TSPAN9: variants seen among roughly 807,000 people sequenced by gnomAD.
TSPAN9 encodes the protein tetraspanin-9.
In TSPAN9, 16 loss-of-function variants were observed where a neutral mutation model predicts 31.0. The observed-to-expected ratio is 0.52, with a 90% confidence interval of 0.35 to 0.78. The LOEUF (loss-of-function observed/expected upper bound fraction) is 0.78. TSPAN9 is among the 30% of genes least tolerant of loss of function. The pLI, the probability that TSPAN9 is intolerant of heterozygous loss-of-function variation, is 0.01. For missense variants in TSPAN9, 272 were observed against 312.5 expected, an observed-to-expected ratio of 0.87 and a Z score of 0.98; for synonymous variants, 145 against 121.6, an observed-to-expected ratio of 1.19 and a Z score of -1.27.
intron 2 of TSPAN9, among the ~76,000 whole-genome samples, chr12:3,197,605 C>A (rs1163082929): frequency 6.6e-6 from 1 of 152,132 alleles, no homozygotes; most frequent in Non-Finnish European, 1.5e-5. Flanking sequence ...AGAGCTCTCA[C>A]CTCTAGGAGG....
intron 3 of TSPAN9, among the ~76,000 whole-genome samples, chr12:3,273,413 A>T (rs897957094): frequency 6.6e-6 from 1 of 152,068 alleles, no homozygotes; most frequent in African/African-American, 2.4e-5. Context: ...TCAGGCCTGG[A>T]CCACACCAGG....
At chr12:3,205,019 C>T (rs1369199624) in intron 3 of TSPAN9, among the ~76,000 whole-genome samples, 2 of 152,024 alleles carry the variant, frequency 1.3e-5, no homozygotes, top group Admixed American at 1.3e-4. Flanking sequence ...GGAAAAGGGA[C>T]CTCTGAATGC....
rs61523742 is a variant in TSPAN9 at position 3,232,271 on chromosome 12, G to GT, written c.63+31027dup. Among the ~76,000 whole-genome samples, 423 of 146,422 alleles carry GT rather than the reference G, an allele frequency of 2.9e-3. 4 individuals are homozygous for GT. The highest frequency in any genetic ancestry group is 6.3e-3 in the African/African-American group (252 of 40,056). ...TCTCTTGATCGCTGGCTTCTGTTATGTTTTTTTTTTTTCCTACAGTGAGAT... is the reference window on the plus strand; with the variant it reads ...TCTCTTGATCGCTGGCTTCTGTTATGTTTTTTTTTTTTTCCTACAGTGAGAT... On this transcript the variant is annotated intron_variant, in intron 3 of 8. Coordinates refer to ENST00000011898, the MANE Select transcript of TSPAN9 (RefSeq NM_006675.5).
intron 1 of TSPAN9, among the ~76,000 whole-genome samples, chr12:3,083,227 G>T (rs1255513602): frequency 6.6e-6 from 1 of 152,162 alleles, no homozygotes; most frequent in African/African-American, 2.4e-5. Context: ...TAGCGTACGC[G>T]ATGCAAACAC....
At chr12:3,137,897 C>T (rs2098332847) in intron 2 of TSPAN9, among the ~76,000 whole-genome samples, 2 of 152,182 alleles carry the variant, frequency 1.3e-5, no homozygotes, top group African/African-American at 4.8e-5. Context: ...TCCCAGGCCC[C>T]TTGAAGCTCA....
chr12:3,151,590 G>C (rs1363055687), intron 2 of TSPAN9: 1 of 152,190 alleles, frequency 6.6e-6, no homozygotes, highest in African/African-American at 2.4e-5. Flanking sequence ...CCCCCTCAGT[G>C]ATTAATGGCC....
intron 2 of TSPAN9, among the ~76,000 whole-genome samples, chr12:3,141,534 C>T (rs186946549): frequency 7.2e-5 from 11 of 152,210 alleles, no homozygotes; most frequent in African/African-American, 2.4e-4. Flanking sequence ...GGAGGCCGTG[C>T]GTGACCCCGT....
intron 2 of TSPAN9, among the ~76,000 whole-genome samples, chr12:3,176,225 C>T (rs936110093): frequency 3.3e-5 from 5 of 152,182 alleles, no homozygotes; most frequent in East Asian, 1.9e-4. Context: ...TCGAGCCTTA[C>T]GGAGCAGTGT....
At chr12:3,188,303 C>G (rs1302482911) in intron 2 of TSPAN9, among the ~76,000 whole-genome samples, 2 of 152,218 alleles carry the variant, frequency 1.3e-5, no homozygotes, top group Non-Finnish European at 2.9e-5. Context: ...TCCCCGGGTT[C>G]CACAGCACTG....
chr12:3,128,413 T>A (rs2098328292), intron 2 of TSPAN9, among the ~76,000 whole-genome samples: 2 of 152,004 alleles, frequency 1.3e-5, no homozygotes, highest in South Asian at 4.1e-4. Flanking sequence ...GATTTCAGAG[T>A]GTCTTCAAGG....
At chr12:3,282,981 C>T (rs1023462792) in intron 8 of TSPAN9, 64 bp from the exon 9 acceptor site, 65 of 1,559,360 alleles carry the variant, frequency 4.2e-5, no homozygotes, top group South Asian at 4.1e-4. Flanking sequence ...CCAAGCCTCT[C>T]GGGGCTGAGG....
At chr12:3,157,155 C>T (rs534887358) in intron 2 of TSPAN9, among the ~76,000 whole-genome samples, 9 of 151,004 alleles carry the variant, frequency 6.0e-5, no homozygotes, top group African/African-American at 9.8e-5. Flanking sequence ...GCTGGAGTGC[C>T]GTGGCGCGAT....
chr12:3,197,009 T>A (rs1208318800), intron 2 of TSPAN9, among the ~76,000 whole-genome samples: 1 of 152,162 alleles, frequency 6.6e-6, no homozygotes, highest in Non-Finnish European at 1.5e-5. Flanking sequence ...CATCTGAGAC[T>A]GGTAGGATCA....
At chr12:3,276,718 T>G (rs1234480174) in intron 3 of TSPAN9, among the ~76,000 whole-genome samples, 3 of 152,228 alleles carry the variant, frequency 2.0e-5, no homozygotes, top group Admixed American at 2.0e-4. Context: ...ATAAGGTCAG[T>G]GTCTCCTGTA....
At chr12:3,181,175 C>T (rs58272361) in intron 2 of TSPAN9, among the ~76,000 whole-genome samples, 5,778 of 152,148 alleles carry the variant, frequency 0.038, 362 homozygotes, top group African/African-American at 0.13. Flanking sequence ...TTTACTACTC[C>T]AGAGGGGAAG....
At chr12:3,266,296 A>G (rs1417691776) in intron 3 of TSPAN9, among the ~76,000 whole-genome samples, 2 of 152,142 alleles carry the variant, frequency 1.3e-5, no homozygotes, top group African/African-American at 2.4e-5. Context: ...GAACCTCGCT[A>G]TGCTTGTGTT....
intron 2 of TSPAN9, among the ~76,000 whole-genome samples, chr12:3,122,281 C>CCGAGATTGCGCCA (rs368874431): frequency 6.6e-6 from 1 of 150,688 alleles, no homozygotes; most frequent in Non-Finnish European, 1.5e-5. Context: ...TTGCAGTGAG[C>CCGAGATTGCGCCA]CTGCACTCCA....
intron 2 of TSPAN9, among the ~76,000 whole-genome samples, chr12:3,114,909 T>A (rs1480132699): frequency 6.6e-6 from 1 of 151,816 alleles, no homozygotes; most frequent in Non-Finnish European, 1.5e-5. Context: ...AACAGGTTTG[T>A]TTTATTGAGA....
At chr12:3,182,805 G>A (rs1029011941) in intron 2 of TSPAN9, among the ~76,000 whole-genome samples, 2 of 152,194 alleles carry the variant, frequency 1.3e-5, no homozygotes, top group African/African-American at 4.8e-5. Context: ...TGCCAAGGGA[G>A]GGGAGGCTAA....
Sources: gnomAD v4.1 joint callset for allele counts (sites outside exome capture counted in the v4.1 genomes callset) on GRCh38, gnomAD v4.1.1 for gene constraint, MANE v1.5 for transcripts, NCBI Gene and HGNC (gene_info 2026-07-23, HGNC 2026-07-21) for gene names.